CEBPZOS: variants seen among roughly 807,000 people sequenced by gnomAD.
CEBPZOS encodes the protein CEBPZ opposite strand.
In CEBPZOS, 10 loss-of-function variants were observed where a neutral mutation model predicts 4.8. The observed-to-expected ratio is 2.07, with a 90% CI of 1.28 to 3.52. The LOEUF is 3.52. CEBPZOS is among the 30% of genes most tolerant of loss of function. The probability of loss-of-function intolerance (pLI) is 0.00; values close to 1 mark genes in which losing one functional copy is unlikely to be tolerated. For missense variants in CEBPZOS, 98 were observed against 43.6 expected, an observed-to-expected ratio of 2.25 and a Z score of -3.51; for synonymous variants, 25 against 14.2, an observed-to-expected ratio of 1.77 and a Z score of -1.72.
intron 4 of CEBPZOS, chr2:37,210,254 G>A (rs927396297): frequency 1.3e-5 from 2 of 152,174 alleles, no homozygotes; most frequent in Non-Finnish European, 2.9e-5. Flanking sequence ...ACTATCATTT[G>A]ATCTAGCAAT....
intron 1 of CEBPZOS, among the ~76,000 whole-genome samples, chr2:37,198,176 A>T (rs74326576): frequency 0.014 from 2,098 of 151,974 alleles, 54 homozygotes; most frequent in African/African-American, 0.048. Context: ...TAAAATAAAA[A>T]AAAAATAACC....
intron 4 of CEBPZOS, chr2:37,212,053 C>A: frequency 6.4e-7 from 1 of 1,570,836 alleles, no homozygotes; most frequent in Non-Finnish European, 8.6e-7. Context: ...GAAAAAAACA[C>A]AACTTGTAAT....
rs1466306735 is a variant in CEBPZOS, at chr2:37,204,134, T to C, written c.*2274T>C. 1 of 152,152 alleles carries C rather than the reference T, an allele frequency of 6.6e-6. No homozygotes were observed. Among genetic ancestry groups the C allele is most frequent in the African/African-American group, 2.4e-5 (1 of 41,418 alleles). The allele number at this position is 152,152 out of a possible 1,614,324, so 9.4% of individuals were successfully genotyped here. A position where few individuals can be genotyped will look rare whatever the true frequency, so the allele number is the denominator to read the frequency against. ...CATGCATTAGGAAGTTTTTTTTGGG[T>C]TTTATTCATCCTGTAGTGATGTATC... is the stretch of plus-strand genomic sequence containing the variant. On this transcript the variant is annotated 3_prime_UTR_variant, in exon 5 of 5. Transcript: ENST00000402297.
At chr2:37,214,014 T>C (rs1677805696), downstream of CEBPZOS, 1 of 993,062 alleles carries the variant, frequency 1.0e-6, no homozygotes, top group East Asian at 3.0e-5. Flanking sequence ...CTAATCTTAC[T>C]ATATATCATC....
At chr2:37,216,093 G>A, downstream of CEBPZOS, 1 of 1,338,098 alleles carries the variant, frequency 7.5e-7, no homozygotes, top group Non-Finnish European at 1.1e-6. Flanking sequence ...ATGCATCTTT[G>A]TCTTATATTG....
chr2:37,206,539 G>A (rs1677545836), downstream of CEBPZOS, among the ~76,000 whole-genome samples: 1 of 152,088 alleles, frequency 6.6e-6, no homozygotes, highest in East Asian at 1.9e-4. Context: ...TGTATTTTTT[G>A]TAGAGATAGG....
intron 2 of CEBPZOS, 110 bp from the exon 3 acceptor site, chr2:37,200,938 T>C: frequency 1.6e-6 from 1 of 621,782 alleles, no homozygotes; most frequent in Non-Finnish European, 2.9e-6. Flanking sequence ...AAATTTCTAA[T>C]CTATATGGTT....
downstream of CEBPZOS, chr2:37,214,007 A>G (rs140729432): frequency 1.2e-3 from 1,278 of 1,045,158 alleles, 10 homozygotes; most frequent in African/African-American, 0.02. Context: ...TAAAGGTCTA[A>G]TCTTACTATA....
In CEBPZOS at chr2:37,202,723, T is replaced by C; in HGVS notation, c.*863T>C. 1.3e-6 allele frequency: 1 copy of C among 792,918 alleles called. No individual in the cohort carries two copies. Among genetic ancestry groups the C allele is most frequent in the South Asian group, 1.8e-5 (1 of 54,350 alleles). 49.1% of individuals were successfully genotyped at this position (792,918 alleles called of 1,614,324 possible). A position where few individuals can be genotyped will look rare whatever the true frequency, so the allele number is the denominator to read the frequency against. ...AATAAAATAACGAAAATTTCCTATC[T>C]TCTGAAGTTCCAAGCCAAAGCTATT... On this transcript the variant is annotated 3_prime_UTR_variant, in exon 5 of 5. Coordinates refer to ENST00000402297, the MANE Select transcript of CEBPZOS (RefSeq NM_001322374.2).
downstream of CEBPZOS, among the ~76,000 whole-genome samples, chr2:37,208,155 T>TA (rs1677601443): frequency 6.6e-6 from 1 of 151,878 alleles, no homozygotes; most frequent in South Asian, 2.1e-4. Flanking sequence ...GAAACAGTAA[T>TA]AAAAAAACTG....
In CEBPZOS at chr2:37,201,727, G is replaced by T; in HGVS notation, c.*2+1G>T. 1.7e-6 allele frequency: 2 copies of T among 1,194,968 alleles called. No individual in the cohort carries two copies. Among genetic ancestry groups the T allele is most frequent in the Non-Finnish European group, 1.2e-6 (1 of 819,190 alleles). The allele number at this position is 1,194,968 out of a possible 1,614,324, so 74.0% of individuals were successfully genotyped here. A position where few individuals can be genotyped will look rare whatever the true frequency, so the allele number is the denominator to read the frequency against. The stretch of plus-strand genomic sequence containing the variant: ...CATGGTTGAACAGCAAAAATTAGAT[G>T]TAAGTAGAATTTTAATCTATAATTT... On this transcript the variant is annotated splice_donor_variant, in intron 4 of 4. Coordinates refer to ENST00000402297, the MANE Select transcript of CEBPZOS (RefSeq NM_001322374.2). LOFTEE classifies it low-confidence loss of function (3UTR_SPLICE).
downstream of CEBPZOS, chr2:37,215,384 A>T (rs558794496): frequency 1.6e-3 from 239 of 153,454 alleles, 1 homozygote; most frequent in African/African-American, 4.0e-3. Context: ...AAGTTAACAG[A>T]GTTTTCCTTT....
chr2:37,197,968 C>G (rs1376354653), intron 1 of CEBPZOS, among the ~76,000 whole-genome samples: 1 of 152,126 alleles, frequency 6.6e-6, no homozygotes, highest in Non-Finnish European at 1.5e-5. Context: ...GGGGACCACC[C>G]TGGGCAACAG....
chr2:37,214,079 T>C (rs893528810), downstream of CEBPZOS: 19 of 491,194 alleles, frequency 3.9e-5, 1 homozygote, highest in Middle Eastern at 5.3e-4. Context: ...GTATACTCAA[T>C]TGGAAATAAA....
chr2:37,201,433 A>G (rs1677224937), intron 3 of CEBPZOS: 1 of 532,506 alleles, frequency 1.9e-6, no homozygotes, highest in Non-Finnish European at 3.3e-6. Flanking sequence ...ATAAAGACTG[A>G]ACAAGATGAC....
chr2:37,199,593 C>T, intron 1 of CEBPZOS, 111 bp from the exon 2 acceptor site: 1 of 636,380 alleles, frequency 1.6e-6, no homozygotes, highest in Non-Finnish European at 2.9e-6. Flanking sequence ...GTCTTACTCC[C>T]ATACAGAGAA....
intron 4 of CEBPZOS, chr2:37,210,201 T>C (rs988989220): frequency 6.6e-6 from 1 of 152,222 alleles, no homozygotes; most frequent in Non-Finnish European, 1.5e-5. Flanking sequence ...GTACAACCAC[T>C]ATGGTAAACA....
chr2:37,211,862 A>G (rs1677730255), intron 4 of CEBPZOS: 3 of 1,601,990 alleles, frequency 1.9e-6, no homozygotes, highest in Non-Finnish European at 2.6e-6. Context: ...TCTCACTTTC[A>G]TCATCTAACA....
intron 4 of CEBPZOS, chr2:37,210,932 C>G: frequency 2.0e-6 from 2 of 1,021,818 alleles, no homozygotes; most frequent in Non-Finnish European, 1.4e-6. Context: ...GAGTTCATTT[C>G]CCAAAATGAT....
Sources: gnomAD v4.1 joint callset for allele counts (sites outside exome capture counted in the v4.1 genomes callset) on GRCh38, gnomAD v4.1.1 for gene constraint, MANE v1.5 for transcripts, NCBI Gene and HGNC (gene_info 2026-07-23, HGNC 2026-07-21) for gene names.